The following PPM1H variants were observed in gnomAD, a reference collection of about 807,000 sequenced individuals.
PPM1H encodes the protein protein phosphatase 1H.
A neutral mutation model predicts 54.9 loss-of-function variants in PPM1H; 27 were observed. The ratio of observed to expected loss-of-function variants is 0.49; its 90% confidence interval spans 0.36 to 0.68. PPM1H has a LOEUF of 0.68. Ranked by LOEUF, PPM1H falls within the 30% of genes least tolerant of loss-of-function variation. The pLI is 0.00. For synonymous variants in PPM1H, 305 were observed against 270.8 expected (o/e 1.13, Z -1.24); for missense variants, 596 against 667.8 (o/e 0.89, Z 1.19).
At chr12:62,729,999 T>C (rs1293160008) in intron 5 of PPM1H, among the ~76,000 whole-genome samples, 4 of 152,122 alleles carry the variant, frequency 2.6e-5, no homozygotes, top group Non-Finnish European at 4.4e-5. Context: ...CATGGTCTTG[T>C]GAAATTCCTT....
intron 4 of PPM1H, among the ~76,000 whole-genome samples, chr12:62,783,959 GA>G (rs1284129472): frequency 6.6e-6 from 1 of 152,202 alleles, no homozygotes; most frequent in African/African-American, 2.4e-5. Context: ...CTAAGGAGCT[GA>G]TGACTCAAAC....
intron 6 of PPM1H, among the ~76,000 whole-genome samples, chr12:62,710,405 G>A (rs1036217252): frequency 2.6e-5 from 4 of 151,848 alleles, no homozygotes; most frequent in African/African-American, 9.7e-5. Context: ...GTTGGTGCAC[G>A]CCTTTAATCC....
chr12:62,932,047 T>C (rs114108647), intron 1 of PPM1H, among the ~76,000 whole-genome samples: 1,668 of 150,970 alleles, frequency 0.011, 28 homozygotes, highest in African/African-American at 0.036. Context: ...TCATTACTCC[T>C]AGGGAGTAGG....
chr12:62,832,136 C>T lies in PPM1H; in HGVS notation c.389G>A (p.Gly130Glu). The change falls in exon 2 of 10, where the codon GGG (glycine) becomes GAG (glutamate). Residue 130 changes from glycine (G) to glutamate (E), a missense_variant. Coordinates refer to ENST00000228705, the MANE Select transcript of PPM1H (RefSeq NM_020700.2). The stretch of plus-strand genomic sequence containing the variant: ...TACCGAGTTCTCCTTCAGCTGCAGC[C>T]CTTCCCCATTGGGAAGGGAGGACCG... ...KRRSSLPNGE[G>E]LQLKENSESE... is the part of the protein sequence containing the mutation. 6.2e-7 allele frequency: 1 copy of T among 1,613,868 alleles called. No homozygotes were observed. Among genetic ancestry groups the T allele is most frequent in the Non-Finnish European group, 8.5e-7 (1 of 1,179,852 alleles).
At chr12:62,709,692 T>C (rs1396444277) in intron 6 of PPM1H, among the ~76,000 whole-genome samples, 1 of 152,226 alleles carries the variant, frequency 6.6e-6, no homozygotes, top group African/African-American at 2.4e-5. Flanking sequence ...GCTTTAGTTA[T>C]TTATACATAT....
At chr12:62,890,209 C>T (rs978764818) in intron 1 of PPM1H, among the ~76,000 whole-genome samples, 1 of 152,052 alleles carries the variant, frequency 6.6e-6, no homozygotes, top group South Asian at 2.1e-4. Flanking sequence ...GCCTGTAATC[C>T]CAGCACTTTA....
At chr12:62,902,357 A>G (rs1230839456) in intron 1 of PPM1H, among the ~76,000 whole-genome samples, 3 of 150,874 alleles carry the variant, frequency 2.0e-5, no homozygotes, top group African/African-American at 4.9e-5. Context: ...CCAACTCAAA[A>G]TAATAATAAT....
At chr12:62,925,315 A>T (rs1871940362) in intron 1 of PPM1H, among the ~76,000 whole-genome samples, 1 of 152,160 alleles carries the variant, frequency 6.6e-6, no homozygotes, top group African/African-American at 2.4e-5. Flanking sequence ...ACAGTGACTC[A>T]CACCTGCAAT....
chr12:62,900,677 C>G lies in PPM1H; in HGVS notation c.245+33815G>C, dbSNP rs148178667. ...ACTAATATCTTCTGAGCATCTCCTA[C>G]AGGCCAACATTGTCCTTATACCATC... On this transcript the variant is annotated intron_variant, in intron 1 of 9. Transcript: ENST00000228705. Among the ~76,000 whole-genome samples the G allele has an allele frequency of 4.6e-5, 7 of 151,746 alleles. No individual in the cohort carries two copies. The East Asian group carries it at 1.2e-3, about 25-fold the overall frequency.
chr12:62,720,510 C>A (rs778655823), intron 5 of PPM1H, among the ~76,000 whole-genome samples: 1 of 152,190 alleles, frequency 6.6e-6, no homozygotes, highest in Non-Finnish European at 1.5e-5. Flanking sequence ...TGATCTGATA[C>A]ATTAATTGTA....
intron 1 of PPM1H, among the ~76,000 whole-genome samples, chr12:62,878,680 C>T (rs367558648): frequency 4.8e-5 from 7 of 146,902 alleles, no homozygotes; most frequent in African/African-American, 1.8e-4. Context: ...TGGCTCATGC[C>T]TGTAATCCCA....
chr12:62,678,561 C>T (rs2076000352), intron 8 of PPM1H, among the ~76,000 whole-genome samples: 1 of 152,184 alleles, frequency 6.6e-6, no homozygotes, highest in African/African-American at 2.4e-5. Flanking sequence ...GTAAATGACA[C>T]ACAGATGCAC....
At chr12:62,859,847 A>C (rs1341062419) in intron 1 of PPM1H, among the ~76,000 whole-genome samples, 1 of 152,220 alleles carries the variant, frequency 6.6e-6, no homozygotes, top group Non-Finnish European at 1.5e-5. Flanking sequence ...GAATTTCCTC[A>C]GTAGGCTTCT....
intron 9 of PPM1H, among the ~76,000 whole-genome samples, chr12:62,649,822 G>A (rs2075806101): frequency 6.6e-6 from 1 of 152,158 alleles, no homozygotes; most frequent in South Asian, 2.1e-4. Flanking sequence ...TGTGAGCTTG[G>A]TTAAGGTGAG....
intron 1 of PPM1H, among the ~76,000 whole-genome samples, chr12:62,850,299 G>A (rs1869132739): frequency 6.6e-6 from 1 of 151,840 alleles, no homozygotes; most frequent in Admixed American, 6.6e-5. Flanking sequence ...CAAATTCCAT[G>A]GACATTTCAA....
chr12:62,793,831 C>T (rs1194738377), intron 3 of PPM1H, among the ~76,000 whole-genome samples: 1 of 151,400 alleles, frequency 6.6e-6, no homozygotes, highest in Non-Finnish European at 1.5e-5. Flanking sequence ...AAATATTGCC[C>T]GGGATGGTAA....
At chr12:62,729,279 A>G (rs2076307126) in intron 5 of PPM1H, among the ~76,000 whole-genome samples, 1 of 152,144 alleles carries the variant, frequency 6.6e-6, no homozygotes, top group African/African-American at 2.4e-5. Context: ...GTCAGGCAAG[A>G]GCTCTAGGGC....
intron 7 of PPM1H, among the ~76,000 whole-genome samples, chr12:62,690,613 G>T (rs1236410858): frequency 6.6e-6 from 1 of 152,132 alleles, no homozygotes; most frequent in African/African-American, 2.4e-5. Context: ...ACATTTATTG[G>T]GTGCCTACTA....
chr12:62,730,664 T>A (rs926571930), intron 5 of PPM1H, among the ~76,000 whole-genome samples: 1 of 152,142 alleles, frequency 6.6e-6, no homozygotes. Context: ...TTTTTTTTTT[T>A]AATTGAGTAA....
Sources: allele counts gnomAD v4.1 joint callset (sites outside exome capture counted in the v4.1 genomes callset), GRCh38; gene constraint gnomAD v4.1.1; transcripts MANE v1.5; gene names NCBI Gene and HGNC (gene_info 2026-07-23, HGNC 2026-07-21).